USP48: variants seen among roughly 807,000 people sequenced by gnomAD.
The protein encoded by USP48 is ubiquitin carboxyl-terminal hydrolase 48.
USP48 carries 43 observed loss-of-function variants against 150.7 expected under a neutral mutation model. That is an observed-to-expected ratio of 0.29 (90% confidence interval 0.22 to 0.37). The LOEUF (loss-of-function observed/expected upper bound fraction) is 0.37. USP48 is among the 10% of genes least tolerant of loss of function. The probability of loss-of-function intolerance (pLI) is 1.00; values close to 1 mark genes in which losing one functional copy is unlikely to be tolerated. For missense variants in USP48, 813 were observed against 1,249.6 expected (o/e 0.65, Z 5.27); for synonymous variants, 396 against 425.9 (o/e 0.93, Z 0.86).
chr1:21,694,965 A>G, intron 23 of USP48, 101 bp downstream of exon 23: 6 of 1,251,876 alleles, frequency 4.8e-6, no homozygotes, highest in Non-Finnish European at 6.3e-6. Context: ...TCTTCTGGAA[A>G]AAAACACAGA....
chr1:21,717,043 T>C (rs2097706507), intron 14 of USP48, among the ~76,000 whole-genome samples: 5 of 150,876 alleles, frequency 3.3e-5, no homozygotes, highest in Admixed American at 2.0e-4. Flanking sequence ...CCATGGGTTT[T>C]CCAGGTTAAG....
At chr1:21,697,178 A>G (rs1050421917) in intron 22 of USP48, among the ~76,000 whole-genome samples, 11 of 152,162 alleles carry the variant, frequency 7.2e-5, no homozygotes, top group Non-Finnish European at 5.9e-5. Flanking sequence ...ACCCAAACAC[A>G]GAAGAGCATT....
At chr1:21,722,065 T>C (rs147943830) in intron 12 of USP48, among the ~76,000 whole-genome samples, 1 of 152,126 alleles carries the variant, frequency 6.6e-6, no homozygotes, top group African/African-American at 2.4e-5. Context: ...ATCAAATCAC[T>C]GAGGTTCTAA....
intron 15 of USP48, among the ~76,000 whole-genome samples, chr1:21,708,574 A>C (rs2097680160): frequency 6.6e-6 from 1 of 151,850 alleles, no homozygotes; most frequent in African/African-American, 2.4e-5. Context: ...TATATTTTAA[A>C]ATTTATTTAT....
intron 1 of USP48, among the ~76,000 whole-genome samples, chr1:21,774,788 T>C (rs1017740253): frequency 3.3e-5 from 5 of 151,694 alleles, no homozygotes; most frequent in Non-Finnish European, 7.4e-5. Context: ...AGTTAGGAGT[T>C]TGAGACCAGC....
intron 19 of USP48, among the ~76,000 whole-genome samples, chr1:21,705,100 C>G (rs1200012409): frequency 1.3e-5 from 2 of 152,112 alleles, no homozygotes; most frequent in African/African-American, 4.8e-5. Flanking sequence ...TGTTAAAGTA[C>G]TGAAATATGA....
chr1:21,717,968 G>C (rs1448296397), intron 14 of USP48, among the ~76,000 whole-genome samples: 1 of 152,150 alleles, frequency 6.6e-6, no homozygotes, highest in Non-Finnish European at 1.5e-5. Flanking sequence ...AAACTGATGT[G>C]ACGGATGTAT....
At position 21,736,638 on chromosome 1, in the gene USP48, G is replaced by T; in HGVS notation, c.992-13C>A. 1 of 1,371,128 alleles carries T rather than the reference G, an allele frequency of 7.3e-7. No homozygotes were observed. Among genetic ancestry groups the T allele is most frequent in the Non-Finnish European group, 9.5e-7 (1 of 1,055,802 alleles). 84.9% of individuals were successfully genotyped at this position (1,371,128 alleles called of 1,614,324 possible). A position where few individuals can be genotyped will look rare whatever the true frequency, so the allele number is the denominator to read the frequency against. Reference sequence around the variant, plus strand: ...ACGTAGGACCCACCTGGAGAGAAAGGGAGAAAGTAAAAGAAACGTTGGATA... The same window carrying T: ...ACGTAGGACCCACCTGGAGAGAAAGTGAGAAAGTAAAAGAAACGTTGGATA... On this transcript the variant is annotated splice_polypyrimidine_tract_variant and intron_variant, in intron 8 of 26. Coordinates refer to ENST00000308271, the MANE Select transcript of USP48 (RefSeq NM_032236.8).
chr1:21,696,350 A>T (rs922108236), intron 22 of USP48, among the ~76,000 whole-genome samples: 46 of 152,362 alleles, frequency 3.0e-4, no homozygotes, highest in African/African-American at 1.1e-3. Flanking sequence ...AGGCAGGAGA[A>T]CTGCTTGAAC....
intron 7 of USP48, among the ~76,000 whole-genome samples, chr1:21,747,445 G>A (rs538534820): frequency 3.3e-5 from 5 of 152,174 alleles, no homozygotes; most frequent in Non-Finnish European, 7.3e-5. Context: ...TGCAAACATT[G>A]CCTTGATTTT....
At chr1:21,717,956 C>A (rs1204524914) in intron 14 of USP48, among the ~76,000 whole-genome samples, 4 of 152,106 alleles carry the variant, frequency 2.6e-5, no homozygotes, top group Non-Finnish European at 5.9e-5. Flanking sequence ...CAAAACAAAA[C>A]AAAACTGATG....
rs1024179056 is a variant in USP48, at chr1:21,716,825, G to T, written c.1895-1368C>A. 2.6e-5 allele frequency among the ~76,000 whole-genome samples: 4 copies of T among 151,666 alleles called. 1 individual carries two copies. The East Asian group carries it at 7.9e-4, about 30-fold the overall frequency. On this transcript the variant is annotated intron_variant, in intron 14 of 26. Transcript: ENST00000308271. ...GGGTGGATCACGAGATCAGGAGATCGAGACCATCCTGGCTAACACAGTGAA... is the reference window on the plus strand; with the variant it reads ...GGGTGGATCACGAGATCAGGAGATCTAGACCATCCTGGCTAACACAGTGAA...
At chr1:21,748,105 G>T in intron 7 of USP48, 33 bp downstream of exon 7, 2 of 1,600,602 alleles carry the variant, frequency 1.2e-6, no homozygotes, top group Non-Finnish European at 1.7e-6. Flanking sequence ...AGACCACAAT[G>T]AACAACAAAC....
intron 9 of USP48, among the ~76,000 whole-genome samples, chr1:21,731,742 G>A (rs4654768): frequency 0.98 from 149,121 of 152,050 alleles, 73,179 homozygotes; most frequent in Non-Finnish European, 1. Context: ...TTAGCCAGGG[G>A]TCTGTAATCC....
chr1:21,774,222 T>G (rs1291648135), intron 1 of USP48, among the ~76,000 whole-genome samples: 1 of 144,202 alleles, frequency 6.9e-6, no homozygotes, highest in Non-Finnish European at 1.5e-5. Flanking sequence ...ATAATAATAA[T>G]AAGGCAGGTA....
intron 9 of USP48, chr1:21,732,843 G>A (rs1179667191): frequency 1.3e-5 from 2 of 154,292 alleles, no homozygotes; most frequent in African/African-American, 4.8e-5. Flanking sequence ...TCTTAAAAGA[G>A]TGATGTCACA....
intron 15 of USP48, among the ~76,000 whole-genome samples, chr1:21,712,308 G>A (rs776276634): frequency 6.6e-6 from 1 of 152,100 alleles, no homozygotes; most frequent in Non-Finnish European, 1.5e-5. Context: ...GTAGTGAGCC[G>A]AGACTGCACC....
In USP48 at chr1:21,761,546, A is replaced by G. The variant is rs528326479; in HGVS notation, c.135-3763T>C. ...ATAAAATGTGTTACATATTCCAAAA[A>G]TAAGTAAATAATTGTTTTAATGTTC... On this transcript the variant is annotated intron_variant, in intron 1 of 26. Coordinates refer to ENST00000308271, the MANE Select transcript of USP48 (RefSeq NM_032236.8). Among the ~76,000 whole-genome samples, 6 of 152,372 alleles carry G rather than the reference A, an allele frequency of 3.9e-5. No individual in the cohort carries two copies. In the East Asian group the frequency reaches 5.8e-4, roughly 15 times the overall value.
chr1:21,696,330 T>C (rs1166198344), intron 22 of USP48, among the ~76,000 whole-genome samples: 1 of 152,104 alleles, frequency 6.6e-6, no homozygotes, highest in Non-Finnish European at 1.5e-5. Context: ...TCCCAGCTAC[T>C]AGGGGGCCAA....
Sources: allele counts gnomAD v4.1 joint callset (sites outside exome capture counted in the v4.1 genomes callset), GRCh38; gene constraint gnomAD v4.1.1; transcripts MANE v1.5; gene names NCBI Gene and HGNC (gene_info 2026-07-23, HGNC 2026-07-21).